Variants in NTM observed in about 807,000 individuals in gnomAD.
NTM encodes IgLON family member 2.
NTM carries 13 observed loss-of-function variants against 42.1 expected under a neutral mutation model. The observed-to-expected ratio is 0.31, with a 90% CI of 0.20 to 0.49. NTM has a LOEUF of 0.49. Ranked by LOEUF, NTM falls within the 20% of genes least tolerant of loss-of-function variation. The pLI, the probability that NTM is intolerant of heterozygous loss-of-function variation, is 0.99. For missense variants in NTM, 373 were observed against 452.8 expected, an observed-to-expected ratio of 0.82 and a Z score of 1.60; for synonymous variants, 187 against 179.2, an observed-to-expected ratio of 1.04 and a Z score of -0.35.
chr11:131,900,036 A>C (rs2052907380), intron 1 of NTM, among the ~76,000 whole-genome samples: 2 of 152,260 alleles, frequency 1.3e-5, no homozygotes, highest in South Asian at 4.1e-4. Flanking sequence ...AGAAAAAGAC[A>C]GAAATTAGAC....
chr11:131,835,951 A>G (rs927326762), intron 1 of NTM, among the ~76,000 whole-genome samples: 3 of 152,308 alleles, frequency 2.0e-5, no homozygotes, highest in South Asian at 4.1e-4. Context: ...GAAGTCAGAC[A>G]CTGAAGAATT....
At chr11:131,686,328 G>T (rs1474738758) in intron 1 of NTM, among the ~76,000 whole-genome samples, 1 of 152,182 alleles carries the variant, frequency 6.6e-6, no homozygotes, top group African/African-American at 2.4e-5. Context: ...AACATGAACT[G>T]TCAATTAACA....
chr11:131,737,513 G>A (rs1289670650), intron 1 of NTM, among the ~76,000 whole-genome samples: 1 of 152,072 alleles, frequency 6.6e-6, no homozygotes. Context: ...TGATTTTTCG[G>A]CATTTTCTTA....
chr11:131,676,334 T>C (rs779339008), intron 1 of NTM, among the ~76,000 whole-genome samples: 1 of 152,224 alleles, frequency 6.6e-6, no homozygotes, highest in Admixed American at 6.5e-5. Context: ...CAGAAGTTAT[T>C]TGGGAGCAAT....
Position 132,310,318 on chromosome 11 carries a change from C to T in NTM, c.782+86C>T, listed in dbSNP as rs116166801. On this transcript the variant is annotated intron_variant, in intron 6 of 8. Transcript: ENST00000683400. ...GGTCCTGATTCCACATTGTTGCAAA[C>T]GAGTTCTATAAAATCCTCTTCTGAA... 1.3e-3 allele frequency: 1,758 copies of T among 1,366,916 alleles called. 19 individuals carry two copies. The African/African-American group carries it at 0.02, about 16-fold the overall frequency. The allele number at this position is 1,366,916 out of a possible 1,614,324, so 84.7% of individuals were successfully genotyped here.
chr11:132,316,061 C>T lies in NTM; in HGVS notation c.934+1358C>T, dbSNP rs141115903. ...GGCTCCCCCTCAGTTTCCCATTAAC[C>T]CAAGTCCTGCTCTCCACCCACAGCA... is the stretch of plus-strand genomic sequence containing the variant. On this transcript the variant is annotated intron_variant, in intron 7 of 8. Coordinates refer to ENST00000683400, the MANE Select transcript of NTM (RefSeq NM_001352005.2). Among the ~76,000 whole-genome samples the T allele has an allele frequency of 1.1e-3, 160 of 152,252 alleles. 3 individuals are homozygous for T. The East Asian group carries it at 0.024, about 23-fold the overall frequency.
chr11:131,403,099 T>C (rs1446252372), intron 1 of NTM, among the ~76,000 whole-genome samples: 3 of 152,326 alleles, frequency 2.0e-5, no homozygotes, highest in Non-Finnish European at 4.4e-5. Context: ...GATTCTGAGA[T>C]TTTTAGGCCT....
intron 1 of NTM, among the ~76,000 whole-genome samples, chr11:131,769,064 T>C (rs1464678623): frequency 6.6e-6 from 1 of 152,184 alleles, no homozygotes. Context: ...TGAATTACCA[T>C]CAAGTATGAA....
chr11:131,900,697 G>A (rs1297865556), intron 1 of NTM, among the ~76,000 whole-genome samples: 1 of 151,994 alleles, frequency 6.6e-6, no homozygotes, highest in African/African-American at 2.4e-5. Flanking sequence ...GGGTAATGAG[G>A]GGCAGTGATA....
At chr11:132,020,901 G>A (rs150804314) in intron 2 of NTM, among the ~76,000 whole-genome samples, 230 of 152,028 alleles carry the variant, frequency 1.5e-3, no homozygotes, top group African/African-American at 5.4e-3. Context: ...ATCCTACCTT[G>A]GATTTGTAGA....
chr11:131,786,669 G>A (rs2089284641), intron 1 of NTM, among the ~76,000 whole-genome samples: 1 of 152,150 alleles, frequency 6.6e-6, no homozygotes, highest in South Asian at 2.1e-4. Flanking sequence ...GATTTATCGT[G>A]CTATTTAAAT....
chr11:131,887,612 T>G (rs2050615444), intron 1 of NTM, among the ~76,000 whole-genome samples: 1 of 152,270 alleles, frequency 6.6e-6, no homozygotes, highest in Non-Finnish European at 1.5e-5. Context: ...TTCTGCTAAG[T>G]GTTCCCAAAT....
chr11:131,598,683 TTTTCTTTCTTTCTTTC>T (rs199821939), intron 1 of NTM, among the ~76,000 whole-genome samples: 2,513 of 74,532 alleles, frequency 0.034, 326 homozygotes, highest in East Asian at 0.074. Flanking sequence ...TTCTCATTTG[TTTTCTTTCTTTCTTTC>T]TTTCTTTCTT....
At chr11:131,938,950 C>A (rs965127355) in intron 2 of NTM, among the ~76,000 whole-genome samples, 78 of 152,102 alleles carry the variant, frequency 5.1e-4, no homozygotes, top group African/African-American at 1.8e-3. Context: ...CAAGAGGACC[C>A]TTAGATACAC....
At chr11:131,473,603 G>A (rs1269003053) in intron 1 of NTM, among the ~76,000 whole-genome samples, 1 of 152,168 alleles carries the variant, frequency 6.6e-6, no homozygotes, top group African/African-American at 2.4e-5. Context: ...TAGCTGCAAG[G>A]TTTTTGAGAA....
chr11:131,706,719 C>T (rs913795630), intron 1 of NTM, among the ~76,000 whole-genome samples: 6 of 151,752 alleles, frequency 4.0e-5, no homozygotes, highest in Non-Finnish European at 5.9e-5. Flanking sequence ...ATTAAACAAC[C>T]CATTTCTGAA....
chr11:132,044,284 C>A (rs1030364331), intron 2 of NTM, among the ~76,000 whole-genome samples: 40 of 152,150 alleles, frequency 2.6e-4, no homozygotes, highest in African/African-American at 9.6e-4. Flanking sequence ...AATAACAGGG[C>A]TCAAGTGATA....
intron 1 of NTM, among the ~76,000 whole-genome samples, chr11:131,758,818 C>T (rs1260405702): frequency 1.3e-5 from 2 of 152,092 alleles, no homozygotes; most frequent in African/African-American, 4.8e-5. Context: ...TCTCAAACTC[C>T]TGACCTCAAG....
chr11:132,307,069 G>T (rs1001118001), intron 4 of NTM, among the ~76,000 whole-genome samples: 2 of 152,220 alleles, frequency 1.3e-5, no homozygotes, highest in African/African-American at 4.8e-5. Context: ...GAGTCCCATT[G>T]CTGGTCTGTC....
Sources: allele counts gnomAD v4.1 joint callset (sites outside exome capture counted in the v4.1 genomes callset), GRCh38; gene constraint gnomAD v4.1.1; transcripts MANE v1.5; gene names NCBI Gene and HGNC (gene_info 2026-07-23, HGNC 2026-07-21).